Variants in NELL1 observed in about 807,000 individuals in gnomAD.
The protein encoded by NELL1 is protein kinase C-binding protein NELL1.
A neutral mutation model predicts 107.4 loss-of-function variants in NELL1; 76 were observed. The observed-to-expected ratio is 0.71, with a 90% CI of 0.59 to 0.86. NELL1 has a LOEUF of 0.86. Ranked by LOEUF, NELL1 falls within the 40% of genes least tolerant of loss-of-function variation. The pLI is 0.00. For synonymous variants in NELL1, 353 were observed against 341.2 expected (o/e 1.03, Z -0.38); for missense variants, 1,024 against 1,005.5 (o/e 1.02, Z -0.25).
chr11:20,992,437 C>CT (rs1851995977), intron 12 of NELL1, among the ~76,000 whole-genome samples: 1 of 152,140 alleles, frequency 6.6e-6, no homozygotes, highest in African/African-American at 2.4e-5. Context: ...CTGTAGGGAC[C>CT]TTTGGAAATT....
At chr11:21,126,753 A>G (rs557471018) in intron 13 of NELL1, among the ~76,000 whole-genome samples, 2 of 152,364 alleles carry the variant, frequency 1.3e-5, no homozygotes, top group African/African-American at 4.8e-5. Flanking sequence ...TGCCTTGAGA[A>G]GCCCAGGCTG....
In NELL1 at chr11:21,002,713, A is replaced by C. The variant is rs114705766; in HGVS notation, c.1300+42153A>C. ...GAATTGCCTCATGTATTGTGGATCT[A>C]AGCCAGTGGAAAAATTTCCTCTTCT... On this transcript the variant is annotated intron_variant, in intron 12 of 19. Transcript: ENST00000357134. Among the ~76,000 whole-genome samples the C allele has an allele frequency of 3.0e-3, 460 of 152,274 alleles. 4 individuals are homozygous for C. Among genetic ancestry groups the C allele is most frequent in the African/African-American group, 0.011 (443 of 41,558 alleles).
intron 15 of NELL1, among the ~76,000 whole-genome samples, chr11:21,506,275 A>G (rs1855276257): frequency 2.0e-5 from 3 of 152,174 alleles, no homozygotes; most frequent in Non-Finnish European, 2.9e-5. Flanking sequence ...ACAGACCCGC[A>G]GAGTCACAGT....
At chr11:21,099,238 C>G (rs1002585151) in intron 12 of NELL1, among the ~76,000 whole-genome samples, 14 of 151,442 alleles carry the variant, frequency 9.2e-5, no homozygotes, top group Admixed American at 2.6e-4. Flanking sequence ...CACACAAACA[C>G]ACACACACAC....
chr11:20,978,855 A>T (rs1288304509), intron 12 of NELL1, among the ~76,000 whole-genome samples: 1 of 152,108 alleles, frequency 6.6e-6, no homozygotes. Flanking sequence ...TTACTGCTCT[A>T]GGTCTCCTCT....
rs547751694 is a variant in NELL1, at chr11:21,205,046, A to G, written c.1427-24286A>G. On this transcript the variant is annotated intron_variant, in intron 13 of 19. Transcript: ENST00000357134. ...AGATCTCCTGTATGAGGTGTCTTTC[A>G]GCCCCTGCTGGGATGTGTCTCCCAG... Among the ~76,000 whole-genome samples the G allele has an allele frequency of 1.1e-4, 17 of 152,252 alleles. No homozygotes were observed. The South Asian group carries it at 3.1e-3, about 28-fold the overall frequency.
intron 14 of NELL1, among the ~76,000 whole-genome samples, chr11:21,323,318 T>C (rs1397997545): frequency 6.6e-6 from 1 of 152,136 alleles, no homozygotes; most frequent in Non-Finnish European, 1.5e-5. Context: ...ATGGTTCTCT[T>C]CATGAAGTAT....
intron 14 of NELL1, among the ~76,000 whole-genome samples, chr11:21,336,182 AC>A (rs908774306): frequency 6.6e-6 from 1 of 151,986 alleles, no homozygotes; most frequent in African/African-American, 2.4e-5. Context: ...TTAAACTAGA[AC>A]CTTTTTATGT....
intron 15 of NELL1, among the ~76,000 whole-genome samples, chr11:21,530,727 T>C (rs1358376501): frequency 3.9e-5 from 6 of 152,102 alleles, no homozygotes; most frequent in Non-Finnish European, 8.8e-5. Flanking sequence ...ATAATGTCTT[T>C]TAGAGGAAAA....
intron 12 of NELL1, among the ~76,000 whole-genome samples, chr11:20,973,707 A>G (rs566724165): frequency 2.0e-5 from 3 of 152,326 alleles, no homozygotes; most frequent in African/African-American, 7.2e-5. Flanking sequence ...ACATCTTTAT[A>G]AGAAACCTCG....
intron 11 of NELL1, among the ~76,000 whole-genome samples, chr11:20,957,060 G>C (rs1167634552): frequency 6.6e-6 from 1 of 152,168 alleles, no homozygotes; most frequent in Non-Finnish European, 1.5e-5. Context: ...GTACAGTGGA[G>C]TTGACGTTTG....
intron 4 of NELL1, among the ~76,000 whole-genome samples, chr11:20,857,344 C>T (rs1848902070): frequency 6.6e-6 from 1 of 152,194 alleles, no homozygotes. Flanking sequence ...ACCACCCATC[C>T]ACTCACTCCC....
At chr11:21,570,322 G>A (rs1284936752) in intron 17 of NELL1, among the ~76,000 whole-genome samples, 1 of 151,742 alleles carries the variant, frequency 6.6e-6, no homozygotes, top group African/African-American at 2.4e-5. Context: ...TCTGTATAAA[G>A]GGCATAATCA....
At chr11:21,034,143 G>T (rs1853030393) in intron 12 of NELL1, among the ~76,000 whole-genome samples, 1 of 152,066 alleles carries the variant, frequency 6.6e-6, no homozygotes, top group African/African-American at 2.4e-5. Context: ...ATAGATTTGG[G>T]TTTTACATTT....
Position 21,169,604 on chromosome 11 carries a change from T to C in NELL1, c.1426+55890T>C, listed in dbSNP as rs143279834. ...TGATGAGCTATGCTAATTGGAGCTTTATTTTGCATGCATTCTTTCCCATAT... is the reference window on the plus strand; with the variant it reads ...TGATGAGCTATGCTAATTGGAGCTTCATTTTGCATGCATTCTTTCCCATAT... On this transcript the variant is annotated intron_variant, in intron 13 of 19. Coordinates refer to ENST00000357134, the MANE Select transcript of NELL1 (RefSeq NM_006157.5). 290 of 343,792 alleles carry C rather than the reference T, an allele frequency of 8.4e-4. 9 individuals are homozygous for C. The highest frequency in any genetic ancestry group is 5.5e-3 in the African/African-American group (256 of 46,618). 21.3% of individuals were successfully genotyped at this position (343,792 alleles called of 1,614,324 possible).
chr11:21,573,479 C>T (rs1354768419), intron 19 of NELL1, 70 bp downstream of exon 19: 2 of 1,305,448 alleles, frequency 1.5e-6, no homozygotes, highest in East Asian at 2.3e-5. Flanking sequence ...AGGTCCACTC[C>T]TGATGTTTCT....
chr11:21,375,281 A>C (rs1851449029), intron 15 of NELL1, among the ~76,000 whole-genome samples: 1 of 151,902 alleles, frequency 6.6e-6, no homozygotes, highest in Non-Finnish European at 1.5e-5. Flanking sequence ...CTTCGCTCCC[A>C]CTTATTAGTG....
At chr11:20,827,932 A>G (rs1857920322) in intron 3 of NELL1, among the ~76,000 whole-genome samples, 1 of 151,248 alleles carries the variant, frequency 6.6e-6, no homozygotes, top group Non-Finnish European at 1.5e-5. Flanking sequence ...CCAAAGGGAG[A>G]CTGCTAACCG....
At chr11:20,791,449 G>A (rs746256357) in intron 3 of NELL1, among the ~76,000 whole-genome samples, 1 of 152,116 alleles carries the variant, frequency 6.6e-6, no homozygotes, top group Non-Finnish European at 1.5e-5. Flanking sequence ...TAAGCTTATT[G>A]ATTAGTTCTA....
Sources: gnomAD v4.1 joint callset for allele counts (sites outside exome capture counted in the v4.1 genomes callset) on GRCh38, gnomAD v4.1.1 for gene constraint, MANE v1.5 for transcripts, NCBI Gene and HGNC (gene_info 2026-07-23, HGNC 2026-07-21) for gene names.